NUMB: variants seen among roughly 807,000 people sequenced by gnomAD.
NUMB encodes NUMB endocytic adaptor protein.
Under a neutral mutation model 59.7 loss-of-function variants are expected in NUMB, and 29 were observed. That is an observed-to-expected ratio of 0.49 (90% CI 0.36 to 0.66). The LOEUF is 0.66. NUMB is among the 30% of genes least tolerant of loss of function. The probability of loss-of-function intolerance (pLI) is 0.00; values close to 1 mark genes in which losing one functional copy is unlikely to be tolerated. For missense variants in NUMB, 723 were observed against 822.0 expected, an observed-to-expected ratio of 0.88 and a Z score of 1.47; for synonymous variants, 288 against 288.2, an observed-to-expected ratio of 1.00 and a Z score of 0.01.
intron 1 of NUMB, among the ~76,000 whole-genome samples, chr14:73,414,952 C>T (rs1897063838): frequency 6.6e-6 from 1 of 152,154 alleles, no homozygotes. Context: ...GATCTGCTGA[C>T]CTTGTGATCT....
chr14:73,421,881 G>A (rs751104530), intron 1 of NUMB, among the ~76,000 whole-genome samples: 6 of 152,186 alleles, frequency 3.9e-5, no homozygotes, highest in Non-Finnish European at 5.9e-5. Context: ...GCTCACACCT[G>A]TAATCCCAGC....
intron 6 of NUMB, among the ~76,000 whole-genome samples, chr14:73,309,589 G>A (rs1566737186): frequency 6.6e-6 from 1 of 151,966 alleles, no homozygotes. Context: ...GGGGCAAGGG[G>A]ACAAATACCT....
chr14:73,355,502 A>G (rs1893736260), intron 4 of NUMB, 124 bp downstream of exon 4: 1 of 712,066 alleles, frequency 1.4e-6, no homozygotes. Flanking sequence ...CTATCATTGA[A>G]GCAGAATGTG....
chr14:73,398,042 C>T (rs756774019), intron 2 of NUMB, among the ~76,000 whole-genome samples: 4 of 151,950 alleles, frequency 2.6e-5, no homozygotes, highest in Non-Finnish European at 4.4e-5. Flanking sequence ...AGAATCCAAG[C>T]GGAAAATAGC....
chr14:73,375,763 T>A (rs977656806), intron 2 of NUMB, among the ~76,000 whole-genome samples: 2 of 152,202 alleles, frequency 1.3e-5, no homozygotes, highest in Non-Finnish European at 2.9e-5. Context: ...CATGTGGAAG[T>A]CAATTAATAT....
At chr14:73,410,099 T>C (rs1185991078) in intron 1 of NUMB, 31 bp from the exon 2 acceptor site, 1 of 152,236 alleles carries the variant, frequency 6.6e-6, no homozygotes, top group Non-Finnish European at 1.5e-5. Flanking sequence ...AAATCTTAAA[T>C]ATACATATCT....
chr14:73,294,549 C>G (rs1478213213), intron 7 of NUMB, among the ~76,000 whole-genome samples: 1 of 151,780 alleles, frequency 6.6e-6, no homozygotes, highest in Non-Finnish European at 1.5e-5. Flanking sequence ...TAGTCTTGCT[C>G]TGTCGCCCAG....
intron 1 of NUMB, among the ~76,000 whole-genome samples, chr14:73,445,630 A>G (rs1048497719): frequency 4.6e-5 from 7 of 152,210 alleles, no homozygotes; most frequent in Admixed American, 4.6e-4. Flanking sequence ...TCCTTGCAAC[A>G]GTAAATGTAG....
chr14:73,388,690 C>A (rs1213115403), intron 2 of NUMB, among the ~76,000 whole-genome samples: 1 of 152,144 alleles, frequency 6.6e-6, no homozygotes, highest in African/African-American at 2.4e-5. Flanking sequence ...AGGCTGAGTG[C>A]GGTAGCTCAC....
intron 6 of NUMB, chr14:73,299,088 T>TA (rs1415163929): frequency 6.6e-6 from 1 of 152,120 alleles, no homozygotes; most frequent in East Asian, 1.9e-4. Flanking sequence ...GTAACAGAGG[T>TA]ACTGGACATG....
chr14:73,326,978 A>C (rs961426971), intron 4 of NUMB, among the ~76,000 whole-genome samples: 4 of 152,182 alleles, frequency 2.6e-5, no homozygotes, highest in African/African-American at 9.7e-5. Flanking sequence ...CAAAGTCCAA[A>C]GTTCTCACAC....
chr14:73,351,358 G>C (rs747592811), intron 4 of NUMB, among the ~76,000 whole-genome samples: 2 of 152,056 alleles, frequency 1.3e-5, no homozygotes, highest in African/African-American at 2.4e-5. Flanking sequence ...TATAGTCCTA[G>C]CTACTCGGGA....
intron 4 of NUMB, among the ~76,000 whole-genome samples, chr14:73,329,104 G>A (rs1891816295): frequency 6.6e-6 from 1 of 152,184 alleles, no homozygotes; most frequent in Non-Finnish European, 1.5e-5. Flanking sequence ...CCGACCTCAG[G>A]TGATCCACCC....
chr14:73,372,305 T>A (rs1240899958), intron 2 of NUMB, among the ~76,000 whole-genome samples: 1 of 85,998 alleles, frequency 1.2e-5, no homozygotes, highest in South Asian at 3.6e-4. Context: ...TATATTTCTT[T>A]TATATATATA....
At chr14:73,415,593 A>G (rs1194261377) in intron 1 of NUMB, among the ~76,000 whole-genome samples, 1 of 151,398 alleles carries the variant, frequency 6.6e-6, no homozygotes, top group Non-Finnish European at 1.5e-5. Flanking sequence ...CAGCCTCCCA[A>G]GCAGCTGGGA....
At chr14:73,365,269 G>T (rs1894287454) in intron 3 of NUMB, among the ~76,000 whole-genome samples, 1 of 152,016 alleles carries the variant, frequency 6.6e-6, no homozygotes, top group Non-Finnish European at 1.5e-5. Context: ...TTGAACTCCT[G>T]GCCTCAAGTG....
At chr14:73,422,874 A>G (rs1033117158) in intron 1 of NUMB, among the ~76,000 whole-genome samples, 2 of 151,002 alleles carry the variant, frequency 1.3e-5, no homozygotes, top group Non-Finnish European at 2.9e-5. Flanking sequence ...AGGGACAAAC[A>G]ACCAAACCAT....
intron 1 of NUMB, among the ~76,000 whole-genome samples, chr14:73,437,713 A>ACAT (rs1898117334): frequency 6.6e-6 from 1 of 152,266 alleles, no homozygotes; most frequent in Non-Finnish European, 1.5e-5. Context: ...ATGAAATCCA[A>ACAT]GAACACATTT....
At chr14:73,348,226 T>C (rs907455164) in intron 4 of NUMB, among the ~76,000 whole-genome samples, 2 of 152,184 alleles carry the variant, frequency 1.3e-5, no homozygotes, top group Non-Finnish European at 2.9e-5. Context: ...GATTCTCCTA[T>C]TGTACTCTGG....
Sources: allele counts gnomAD v4.1 joint callset (sites outside exome capture counted in the v4.1 genomes callset), GRCh38; gene constraint gnomAD v4.1.1; transcripts MANE v1.5; gene names NCBI Gene and HGNC (gene_info 2026-07-23, HGNC 2026-07-21).